The following SCAP variants were observed in gnomAD, a reference collection of about 807,000 sequenced individuals.
SCAP encodes sterol regulatory element-binding protein cleavage-activating protein.
SCAP carries 65 observed loss-of-function variants against 123.6 expected under a neutral mutation model. That is an observed-to-expected ratio of 0.53 (90% CI 0.43 to 0.65). The LOEUF is 0.65. Ranked by LOEUF, SCAP falls within the 30% of genes least tolerant of loss-of-function variation. The pLI is 0.00. For synonymous variants in SCAP, 740 were observed against 726.3 expected (o/e 1.02, Z -0.30); for missense variants, 1,398 against 1,712.5 (o/e 0.82, Z 3.24).
At chr3:47,435,774 C>T (rs1011643452) in intron 2 of SCAP, among the ~76,000 whole-genome samples, 6 of 152,170 alleles carry the variant, frequency 3.9e-5, no homozygotes, top group East Asian at 3.9e-4. Flanking sequence ...TCAGGCTGGG[C>T]GCAGTGGGTT....
rs140954403 is a variant in SCAP at position 47,416,311 on chromosome 3, C to T, written c.3056+811G>A. 3.5e-4 allele frequency among the ~76,000 whole-genome samples: 54 copies of T among 152,330 alleles called. No homozygotes were observed. The East Asian group carries it at 8.3e-3, about 23-fold the overall frequency. On this transcript the variant is annotated intron_variant, in intron 18 of 22. Transcript: ENST00000265565. ...ACTCCCCAAGGAGTGTGCATGCAGA[C>T]GGAGTACTGGGGACGCCCACAGCCA...
intron 1 of SCAP, among the ~76,000 whole-genome samples, chr3:47,469,025 T>C (rs1366970273): frequency 6.6e-6 from 1 of 152,208 alleles, no homozygotes; most frequent in African/African-American, 2.4e-5. Flanking sequence ...TGTGAATACA[T>C]TTAATGTCAC....
intron 6 of SCAP, 129 bp from the exon 7 acceptor site, chr3:47,426,298 G>T: frequency 1.1e-6 from 1 of 905,276 alleles, no homozygotes; most frequent in Non-Finnish European, 1.6e-6. Flanking sequence ...CTTCTCTATG[G>T]TGCCTGAGCT....
intron 1 of SCAP, among the ~76,000 whole-genome samples, chr3:47,448,037 G>C (rs1167167278): frequency 1.5e-5 from 2 of 133,902 alleles, no homozygotes; most frequent in South Asian, 4.9e-4. Context: ...AAAAAAACTT[G>C]ATAGAATTTT....
In SCAP at chr3:47,423,920, C is replaced by T; in HGVS notation, c.1150+13G>A. On this transcript the variant is annotated intron_variant, in intron 9 of 22. Coordinates refer to ENST00000265565, the MANE Select transcript of SCAP (RefSeq NM_012235.4). ...CTCCTGCAGCCCTCTGCCCAACTCT[C>T]CCACTGCGTTACCTTGGGCGATCCG... 6.3e-7 allele frequency: 1 copy of T among 1,595,480 alleles called. No homozygotes were observed. The highest frequency in any genetic ancestry group is 8.6e-7 in the Non-Finnish European group (1 of 1,163,128).
intron 2 of SCAP, among the ~76,000 whole-genome samples, chr3:47,435,990 A>G (rs546721601): frequency 2.6e-5 from 4 of 152,202 alleles, no homozygotes; most frequent in African/African-American, 4.8e-5. Context: ...TAGAGGCTGC[A>G]GTGAGCCATG....
intron 1 of SCAP, among the ~76,000 whole-genome samples, chr3:47,465,146 T>C (rs922907933): frequency 9.2e-5 from 14 of 151,940 alleles, no homozygotes; most frequent in Admixed American, 2.0e-4. Context: ...TTTCCCACTT[T>C]CATGGATTGG....
chr3:47,425,472 G>T lies in SCAP; in HGVS notation c.1037+13C>A, dbSNP rs376469477. 3.7e-6 allele frequency: 6 copies of T among 1,612,870 alleles called. No individual in the cohort carries two copies. Among genetic ancestry groups the T allele is most frequent in the Non-Finnish European group, 5.1e-6 (6 of 1,179,768 alleles). On this transcript the variant is annotated intron_variant, in intron 8 of 22. Coordinates refer to ENST00000265565, the MANE Select transcript of SCAP (RefSeq NM_012235.4). ...CCCACCCTGTGGCCCAGTGGAGCCTGCTAGGGACCTACCCGCCATTGAGGG... is the reference window on the plus strand; with the variant it reads ...CCCACCCTGTGGCCCAGTGGAGCCTTCTAGGGACCTACCCGCCATTGAGGG...
chr3:47,422,949 G>C (rs996603876), intron 9 of SCAP, among the ~76,000 whole-genome samples: 1 of 152,176 alleles, frequency 6.6e-6, no homozygotes, highest in African/African-American at 2.4e-5. Flanking sequence ...AGCACTCGGC[G>C]GGTAGAGGAC....
intron 8 of SCAP, 129 bp downstream of exon 8, chr3:47,425,356 A>T: frequency 2.0e-6 from 2 of 1,008,572 alleles, no homozygotes; most frequent in Non-Finnish European, 2.8e-6. Flanking sequence ...TGTACCTCTT[A>T]AATGTCAAAA....
chr3:47,438,114 TA>T (rs889759260), intron 2 of SCAP, among the ~76,000 whole-genome samples: 4 of 152,178 alleles, frequency 2.6e-5, no homozygotes, highest in South Asian at 4.1e-4. Context: ...AAGAAACAAT[TA>T]AAAAAATTAT....
At chr3:47,465,611 A>T (rs560734967) in intron 1 of SCAP, among the ~76,000 whole-genome samples, 10 of 151,950 alleles carry the variant, frequency 6.6e-5, no homozygotes, top group South Asian at 4.2e-4. Context: ...TCTACAAAAA[A>T]TTTTTTAATT....
Position 47,426,113 on chromosome 3 carries a change from C to T in SCAP, c.794G>A (p.Ser265Asn), listed in dbSNP as rs1706117405. 1 of 1,613,902 alleles carries T rather than the reference C, an allele frequency of 6.2e-7. No individual in the cohort carries two copies. Among genetic ancestry groups the T allele is most frequent in the African/African-American group, 1.3e-5 (1 of 74,940 alleles). ...GTGGACCAGGCTCTCCGCCCGAAGGCTGCAGTTGGGGCTGGGGTGCAGAAG... is the reference window on the plus strand; with the variant it reads ...GTGGACCAGGCTCTCCGCCCGAAGGTTGCAGTTGGGGCTGGGGTGCAGAAG... The part of the protein sequence containing the change: ...LMLLHPSPNC[S>N]LRAESLVHVH... Residue 265 changes from serine to asparagine, a missense_variant, in exon 7 of 23, where the codon AGC becomes AAC. Around this residue, in one of 7 missense-constraint regions of SCAP, gnomAD observed 319 missense variants for 432.4 expected, o/e 0.74. Coordinates refer to ENST00000265565, the MANE Select transcript of SCAP (RefSeq NM_012235.4).
At position 47,420,550 on chromosome 3, in the gene SCAP, G is replaced by C; in HGVS notation, c.1563+4C>G. 2 of 1,588,678 alleles carry C rather than the reference G, an allele frequency of 1.3e-6. No individual in the cohort carries two copies. The highest frequency in any genetic ancestry group is 2.7e-5 in the African/African-American group (2 of 74,090). ...GGGCAGGGCAGGGCAGGGGTGGCAG[G>C]TACCATGATGAGGCGCTGTGCCAGG... On this transcript the variant is annotated splice_donor_region_variant and intron_variant, in intron 12 of 22. Transcript: ENST00000265565. This position sits in a 1 kb window ranked among gnomAD's most constrained non-coding sequence, Gnocchi z 5.0.
At chr3:47,432,781 G>A (rs1039956393) in intron 3 of SCAP, among the ~76,000 whole-genome samples, 1 of 152,086 alleles carries the variant, frequency 6.6e-6, no homozygotes, top group Non-Finnish European at 1.5e-5. Context: ...GGGCTCAAGC[G>A]ATCCTCCTGC....
chr3:47,429,635 T>C (rs1706281360), intron 3 of SCAP, among the ~76,000 whole-genome samples: 1 of 152,200 alleles, frequency 6.6e-6, no homozygotes, highest in South Asian at 2.1e-4. Context: ...CTAACTTCTT[T>C]ATTTTCTGTA....
intron 1 of SCAP, among the ~76,000 whole-genome samples, chr3:47,463,251 T>G (rs1357759981): frequency 6.6e-6 from 1 of 152,130 alleles, no homozygotes; most frequent in Admixed American, 6.6e-5. Context: ...TACCTCCAAG[T>G]CAGATCCCCA....
chr3:47,440,448 T>C lies in SCAP; in HGVS notation c.122+2424A>G, dbSNP rs138982814. Among the ~76,000 whole-genome samples, 238 of 152,188 alleles carry C rather than the reference T, an allele frequency of 1.6e-3. 1 individual carries two copies. The highest frequency in any genetic ancestry group is 5.4e-3 in the African/African-American group (223 of 41,524). On this transcript the variant is annotated intron_variant, in intron 2 of 22. Coordinates refer to ENST00000265565, the MANE Select transcript of SCAP (RefSeq NM_012235.4). ...TATTAGTCTTTGGAGGCTGAGAGAC[T>C]TCACCCAGCCTTGGAAAAATTTTCT...
chr3:47,467,003 GGACT>G (rs1707851885), intron 1 of SCAP, among the ~76,000 whole-genome samples: 1 of 151,892 alleles, frequency 6.6e-6, no homozygotes, highest in Non-Finnish European at 1.5e-5. Flanking sequence ...TGAGGTGGGA[GGACT>G]GCTTGAGTCC....
Sources: gnomAD v4.1 joint callset for allele counts (sites outside exome capture counted in the v4.1 genomes callset) on GRCh38, gnomAD v4.1.1 for gene constraint, gnomAD v4.1.1 regional missense constraint, Gnocchi (gnomAD v3.1) non-coding constraint, MANE v1.5 for transcripts, NCBI Gene and HGNC (gene_info 2026-07-23, HGNC 2026-07-21) for gene names.